The following C18orf32 variants were observed in gnomAD, a reference collection of about 807,000 sequenced individuals.
The protein encoded by C18orf32 is UPF0729 protein C18orf32.
In C18orf32, 5 loss-of-function variants were observed where a neutral mutation model predicts 7.4. That is an observed-to-expected ratio of 0.68 (90% CI 0.35 to 1.42). The LOEUF is 1.42. Ranked by LOEUF, C18orf32 falls within the 40% of genes most tolerant of loss-of-function variation. The pLI is 0.04. For missense variants in C18orf32, 88 were observed against 92.4 expected, an observed-to-expected ratio of 0.95 and a Z score of 0.19; for synonymous variants, 30 against 29.3, an observed-to-expected ratio of 1.02 and a Z score of -0.08.
chr18:49,483,740 G>A lies in C18orf32; in HGVS notation c.9C>T (p.Cys3=), dbSNP rs2083696075. 1 of 1,608,794 alleles carries A rather than the reference G, an allele frequency of 6.2e-7. No homozygotes were observed. The highest frequency in any genetic ancestry group is 1.1e-5 in the South Asian group (1 of 89,590). The change falls in exon 2 of 3, where the codon TGC becomes TGT. Residue 3 remains cysteine, a synonymous_variant. Coordinates refer to ENST00000318240, the MANE Select transcript of C18orf32 (RefSeq NM_001035005.4). ...GAACTGGAATGACGATACAAGGAAT[G>A]CACACCATTTTCCCAAGCTTGAGCT... MV[C]IPCIVIPVLL...
rs1171596770 is a variant in C18orf32 at position 49,477,393 on chromosome 18, T to G, written c.*4952A>C. 1 of 150,320 alleles carries G rather than the reference T, an allele frequency of 6.7e-6. No individual in the cohort carries two copies. The highest frequency in any genetic ancestry group is 1.5e-5 in the Non-Finnish European group (1 of 68,084). 9.3% of individuals were successfully genotyped at this position (150,320 alleles called of 1,614,324 possible). A position where few individuals can be genotyped will look rare whatever the true frequency, so the allele number is the denominator to read the frequency against. On this transcript the variant is annotated 3_prime_UTR_variant, in exon 3 of 3. Coordinates refer to ENST00000318240, the MANE Select transcript of C18orf32 (RefSeq NM_001035005.4). ...CTCTCACCTCAGCCTCCAGAAACTT[T>G]AAAACAAGTTCACACATACTGATTA...
intron 1 of C18orf32, 37 bp from the exon 2 acceptor site, chr18:49,483,808 C>A (rs2083697905): frequency 6.3e-7 from 1 of 1,575,558 alleles, no homozygotes; most frequent in African/African-American, 1.4e-5. Flanking sequence ...TAGTTCATCA[C>A]AGATTAGTAA....
In C18orf32 at chr18:49,486,936, A is replaced by G. The variant is rs4447516; in HGVS notation, c.-24+107T>C. 703 of 138,286 alleles carry G rather than the reference A, an allele frequency of 5.1e-3. 1 individual carries two copies. Among genetic ancestry groups the G allele is most frequent in the Middle Eastern group, 0.015 (4 of 272 alleles). 8.6% of individuals were successfully genotyped at this position (138,286 alleles called of 1,614,324 possible). ...ACAAAATCAATATAAAGTATCGGAG[A>G]GGCAAATGCAAGCTCCGAGGGCGCC... On this transcript the variant is annotated intron_variant, in intron 1 of 2. Transcript: ENST00000318240.
chr18:49,479,331 C>A lies in C18orf32; in HGVS notation c.*3014G>T, dbSNP rs558975144. On this transcript the variant is annotated 3_prime_UTR_variant, in exon 3 of 3. Transcript: ENST00000318240. ...ACAGGAGGGTGGCAACAGAAAGTCC[C>A]GAGGACTGCAGTGTGCACCAGGTCT... The A allele has an allele frequency of 1.3e-5, 2 of 152,144 alleles. No homozygotes were observed. The highest frequency in any genetic ancestry group is 2.9e-5 in the Non-Finnish European group (2 of 68,060). The allele number at this position is 152,144 out of a possible 1,614,324, so 9.4% of individuals were successfully genotyped here.
rs1002179502 is a variant in C18orf32, at chr18:49,481,033, G to A, written c.*1312C>T. ...GAATGAGAGTTGAGAAAAAACATTC[G>A]CTTTTCATTTAGGATCCTCTTGCAT... On this transcript the variant is annotated 3_prime_UTR_variant, in exon 3 of 3. Transcript: ENST00000318240. The A allele has an allele frequency of 2.0e-5, 3 of 151,946 alleles. No individual in the cohort carries two copies. Among genetic ancestry groups the A allele is most frequent in the African/African-American group, 7.2e-5 (3 of 41,382 alleles). 9.4% of individuals were successfully genotyped at this position (151,946 alleles called of 1,614,324 possible).
chr18:49,483,820 T>A (rs959774832), intron 1 of C18orf32, 49 bp from the exon 2 acceptor site: 4 of 1,565,254 alleles, frequency 2.6e-6, no homozygotes, highest in Non-Finnish European at 3.4e-6. Flanking sequence ...GATTAGTAAC[T>A]GAAAGAATTT....
chr18:49,486,488 T>C (rs540832731), intron 1 of C18orf32: 27 of 152,276 alleles, frequency 1.8e-4, no homozygotes, highest in African/African-American at 6.5e-4. Context: ...GAAGCCTATT[T>C]GTATCTTATC....
chr18:49,486,810 C>G (rs899866339), intron 1 of C18orf32, among the ~76,000 whole-genome samples: 2 of 152,052 alleles, frequency 1.3e-5, no homozygotes, highest in Non-Finnish European at 2.9e-5. Flanking sequence ...GGAGCGGGGA[C>G]AGGTTGAGTC....
At chr18:49,483,415 A>C (rs1480432113) in intron 2 of C18orf32, among the ~76,000 whole-genome samples, 169 bp downstream of exon 2, 2 of 152,210 alleles carry the variant, frequency 1.3e-5, no homozygotes, top group Admixed American at 6.5e-5. Flanking sequence ...ATTTTGGCCA[A>C]AGGACAAATG....
chr18:49,484,167 TACACACACACACACAC>T (rs72071720), intron 1 of C18orf32, among the ~76,000 whole-genome samples: 3 of 93,866 alleles, frequency 3.2e-5, no homozygotes, highest in African/African-American at 8.6e-5. Context: ...TATATATATA[TACACACACACACACAC>T]ACACACACAC....
At position 49,479,376 on chromosome 18, in the gene C18orf32, G is replaced by C. The variant is rs2083642575; in HGVS notation, c.*2969C>G. 2 of 152,346 alleles carry C rather than the reference G, an allele frequency of 1.3e-5. No individual in the cohort carries two copies. The highest frequency in any genetic ancestry group is 4.8e-5 in the African/African-American group (2 of 41,446). 9.4% of individuals were successfully genotyped at this position (152,346 alleles called of 1,614,324 possible). On this transcript the variant is annotated 3_prime_UTR_variant, in exon 3 of 3. Coordinates refer to ENST00000318240, the MANE Select transcript of C18orf32 (RefSeq NM_001035005.4). The stretch of plus-strand genomic sequence containing the variant: ...AGGTCTAGGCAACAACTAGGCAGGA[G>C]AGGTGTATGGGGAGAAGGTAAACTG...
chr18:49,477,266 T>C lies in C18orf32; in HGVS notation c.*5079A>G, dbSNP rs1361751426. The C allele has an allele frequency of 6.7e-6, 1 of 150,034 alleles. No homozygotes were observed. Among genetic ancestry groups the C allele is most frequent in the Non-Finnish European group, 1.5e-5 (1 of 68,002 alleles). The allele number at this position is 150,034 out of a possible 1,614,324, so 9.3% of individuals were successfully genotyped here. ...TACAAGGTTAGCAAAATTAACTTTATTATTATTTATTTGAAACGGGGTATT... is the reference window on the plus strand; with the variant it reads ...TACAAGGTTAGCAAAATTAACTTTACTATTATTTATTTGAAACGGGGTATT... On this transcript the variant is annotated 3_prime_UTR_variant, in exon 3 of 3. Transcript: ENST00000318240.
intron 1 of C18orf32, among the ~76,000 whole-genome samples, chr18:49,485,214 A>G (rs1486507856): frequency 2.6e-5 from 4 of 152,242 alleles, no homozygotes. Flanking sequence ...TAGAGAATCA[A>G]ATCTGAATGT....
rs1243921750 is a variant in C18orf32, at chr18:49,479,310, G to A, written c.*3035C>T. 6.6e-6 allele frequency: 1 copy of A among 152,214 alleles called. No individual in the cohort carries two copies. The highest frequency in any genetic ancestry group is 1.5e-5 in the Non-Finnish European group (1 of 68,072). 9.4% of individuals were successfully genotyped at this position (152,214 alleles called of 1,614,324 possible). ...TCCAGAAACAAGACGTCCAATACAG[G>A]AGGGTGGCAACAGAAAGTCCCGAGG... On this transcript the variant is annotated 3_prime_UTR_variant, in exon 3 of 3. Coordinates refer to ENST00000318240, the MANE Select transcript of C18orf32 (RefSeq NM_001035005.4).
At position 49,482,351 on chromosome 18, in the gene C18orf32, T is replaced by C. The variant is rs1328328906; in HGVS notation, c.225A>G (p.Lys75=). The change falls in exon 3 of 3, where the codon AAA becomes AAG. Residue 75 remains lysine, a synonymous_variant. Transcript: ENST00000318240. ...KGPTEICDKK[K]D is the part of the protein sequence containing the mutation. ...GTCCTTTAGGAAAATTTCTTTAGTCTTTCTTTTTATCACAGATTTCTGTTG... is the reference window on the plus strand; with the variant it reads ...GTCCTTTAGGAAAATTTCTTTAGTCCTTCTTTTTATCACAGATTTCTGTTG... 6.2e-7 allele frequency: 1 copy of C among 1,611,676 alleles called. No individual in the cohort carries two copies. Among genetic ancestry groups the C allele is most frequent in the Non-Finnish European group, 8.5e-7 (1 of 1,178,084 alleles).
intron 2 of C18orf32, 91 bp from the exon 3 acceptor site, chr18:49,482,501 G>C: frequency 1.2e-6 from 1 of 835,296 alleles, no homozygotes; most frequent in South Asian, 1.4e-5. Context: ...GGCTGAGGCA[G>C]GCAGATCACG....
In C18orf32 at chr18:49,479,972, A is replaced by T. The variant is rs184018540; in HGVS notation, c.*2373T>A. The T allele has an allele frequency of 6.6e-6, 1 of 152,352 alleles. No homozygotes were observed. Among genetic ancestry groups the T allele is most frequent in the Non-Finnish European group, 1.5e-5 (1 of 68,124 alleles). The allele number at this position is 152,352 out of a possible 1,614,324, so 9.4% of individuals were successfully genotyped here. ...GAGGATGTGTGGGAGGAGCAGAGGC[A>T]GTGTAAGATAGCGGCATCTCAACCA... is the stretch of plus-strand genomic sequence containing the variant. On this transcript the variant is annotated 3_prime_UTR_variant, in exon 3 of 3. Coordinates refer to ENST00000318240, the MANE Select transcript of C18orf32 (RefSeq NM_001035005.4).
rs2083656637 is a variant in C18orf32 at position 49,481,140 on chromosome 18, T to C, written c.*1205A>G. 1 of 152,216 alleles carries C rather than the reference T, an allele frequency of 6.6e-6. No individual in the cohort carries two copies. Among genetic ancestry groups the C allele is most frequent in the African/African-American group, 2.4e-5 (1 of 41,458 alleles). The allele number at this position is 152,216 out of a possible 1,614,324, so 9.4% of individuals were successfully genotyped here. On this transcript the variant is annotated 3_prime_UTR_variant, in exon 3 of 3. Transcript: ENST00000318240. ...TATTTGCTAATGAGAATTTATCTTA[T>C]CCCTCAGGTGGCTTTGGACAGAAAA...
At position 49,478,104 on chromosome 18, in the gene C18orf32, C is replaced by G. The variant is rs2083633861; in HGVS notation, c.*4241G>C. 1 of 149,632 alleles carries G rather than the reference C, an allele frequency of 6.7e-6. No individual in the cohort carries two copies. Among genetic ancestry groups the G allele is most frequent in the African/African-American group, 2.6e-5 (1 of 39,092 alleles). 9.3% of individuals were successfully genotyped at this position (149,632 alleles called of 1,614,324 possible). On this transcript the variant is annotated 3_prime_UTR_variant, in exon 3 of 3. Coordinates refer to ENST00000318240, the MANE Select transcript of C18orf32 (RefSeq NM_001035005.4). ...AAGCTAGAGTGCAGTGGCTTGATCA[C>G]AGCTCACTGTAGCCTTTAACCTCCT...
Sources: allele counts gnomAD v4.1 joint callset (sites outside exome capture counted in the v4.1 genomes callset), GRCh38; gene constraint gnomAD v4.1.1; transcripts MANE v1.5; gene names NCBI Gene and HGNC (gene_info 2026-07-23, HGNC 2026-07-21).